The following NFASC variants were observed in gnomAD, a reference collection of about 807,000 sequenced individuals.
The protein encoded by NFASC is neurofascin, also known as neurofascin homolog.
Under a neutral mutation model 147.5 loss-of-function variants are expected in NFASC, and 43 were observed. The ratio of observed to expected loss-of-function variants is 0.29; its 90% CI spans 0.23 to 0.38. NFASC has a LOEUF of 0.38. NFASC is among the 10% of genes least tolerant of loss of function. NFASC has a pLI of 1.00. For synonymous variants in NFASC, 622 were observed against 665.5 expected (o/e 0.93, Z 1.01); for missense variants, 1,320 against 1,689.0 (o/e 0.78, Z 3.83).
intron 1 of NFASC, among the ~76,000 whole-genome samples, chr1:204,903,877 C>T (rs2085196863): frequency 6.6e-6 from 1 of 152,082 alleles, no homozygotes; most frequent in Non-Finnish European, 1.5e-5. Context: ...ATCTCTGTGT[C>T]GTTTGCTTAT....
chr1:205,001,738 A>C (rs1047463536), intron 26 of NFASC, among the ~76,000 whole-genome samples: 63 of 152,182 alleles, frequency 4.1e-4, no homozygotes. Context: ...GCCACAGACC[A>C]GAGCCATTTG....
At chr1:204,893,591 G>A (rs943505144) in intron 1 of NFASC, among the ~76,000 whole-genome samples, 1 of 152,222 alleles carries the variant, frequency 6.6e-6, no homozygotes, top group Non-Finnish European at 1.5e-5. Context: ...ATTCCATGGT[G>A]AGCCGTGTGT....
At chr1:204,974,518 C>A (rs2095350757) in intron 13 of NFASC, 139 bp from the exon 14 acceptor site, 2 of 1,070,168 alleles carry the variant, frequency 1.9e-6, no homozygotes, top group South Asian at 2.6e-5. Context: ...TAGAGGCAGA[C>A]CCTCCGAGGC....
chr1:204,921,774 A>T (rs1342048605), intron 2 of NFASC, among the ~76,000 whole-genome samples: 1 of 152,188 alleles, frequency 6.6e-6, no homozygotes, highest in African/African-American at 2.4e-5. Context: ...AGCCCTGCAG[A>T]GTGCCTGGCT....
chr1:204,844,843 G>C (rs760679403), intron 1 of NFASC, among the ~76,000 whole-genome samples: 41 of 152,154 alleles, frequency 2.7e-4, no homozygotes, highest in Non-Finnish European at 5.1e-4. Flanking sequence ...TTTATCAGAG[G>C]CTTGGACTGC....
intron 8 of NFASC, among the ~76,000 whole-genome samples, chr1:204,966,518 CG>C (rs905949770): frequency 2.0e-5 from 3 of 152,038 alleles, no homozygotes; most frequent in African/African-American, 7.2e-5. Flanking sequence ...TTGGTGATTC[CG>C]TGATGGTGGG....
At chr1:204,867,176 C>T in intron 1 of NFASC, among the ~76,000 whole-genome samples, 1 of 152,120 alleles carries the variant, frequency 6.6e-6, no homozygotes, top group African/African-American at 2.4e-5. Context: ...ACAGGGAGTC[C>T]CTGTTGGATT....
At chr1:204,980,511 T>A in intron 20 of NFASC, 71 bp downstream of exon 20, 1 of 1,148,274 alleles carries the variant, frequency 8.7e-7, no homozygotes, top group South Asian at 1.3e-5. Context: ...TCTCCCTTGA[T>A]GCCCCGACAC....
chr1:204,918,864 G>A (rs1377366665), intron 1 of NFASC, among the ~76,000 whole-genome samples: 1 of 152,012 alleles, frequency 6.6e-6, no homozygotes, highest in Non-Finnish European at 1.5e-5. Flanking sequence ...GGGATTATAG[G>A]CATGAGCCAC....
At chr1:204,888,339 G>T (rs1180890191) in intron 1 of NFASC, among the ~76,000 whole-genome samples, 1 of 152,192 alleles carries the variant, frequency 6.6e-6, no homozygotes, top group Non-Finnish European at 1.5e-5. Flanking sequence ...GCTTTTATTT[G>T]TGATCCTAGA....
chr1:204,961,059 T>C (rs934075708), intron 8 of NFASC, among the ~76,000 whole-genome samples: 1 of 152,170 alleles, frequency 6.6e-6, no homozygotes, highest in African/African-American at 2.4e-5. Context: ...CTCAGGGCCA[T>C]CTGCTTGGCT....
rs757003214 is a variant in NFASC, at chr1:204,954,202, G to A, written c.230G>A (p.Arg77Gln). The change falls in exon 6 of 30, where the codon CGA becomes CAA. Residue 77 changes from arginine to glutamine, a missense_variant. Around this residue, in one of 3 missense-constraint regions of NFASC, gnomAD observed 981 missense variants for 1,289.5 expected, o/e 0.76. Coordinates refer to ENST00000339876, the MANE Select transcript of NFASC (RefSeq NM_001005388.3). The surrounding 1 kb of genome is among the most constrained non-coding windows in gnomAD (Gnocchi z 5.7). Reference sequence around the variant, plus strand: ...ACTCTCCACAGCTTCCACTGGACACGAAACAGCAGATTCTTCAACATCGCC... The same window carrying A: ...ACTCTCCACAGCTTCCACTGGACACAAAACAGCAGATTCTTCAACATCGCC... Reference protein sequence around the residue: ...GNPAPSFHWTRNSRFFNIAKD... With the variant: ...GNPAPSFHWTQNSRFFNIAKD... 9 of 1,614,046 alleles carry A rather than the reference G, an allele frequency of 5.6e-6. No homozygotes were observed. Among genetic ancestry groups the A allele is most frequent in the African/African-American group, 2.7e-5 (2 of 74,902 alleles).
Position 204,944,241 on chromosome 1 carries a change from G to C in NFASC, c.-75G>C, listed in dbSNP as rs1247411700. ...CTTTCCACAGCTGAGTGCTGTCCAG[G>C]AGGCCCAGTTAAAGCGGCTCGAGGT... On this transcript the variant is annotated 5_prime_UTR_variant, in exon 3 of 30. Coordinates refer to ENST00000339876, the MANE Select transcript of NFASC (RefSeq NM_001005388.3). 1 of 1,578,210 alleles carries C rather than the reference G, an allele frequency of 6.3e-7. No individual in the cohort carries two copies. The highest frequency in any genetic ancestry group is 1.8e-5 in the Admixed American group (1 of 54,796).
Position 205,020,183 on chromosome 1 carries a change from C to T in NFASC, c.*3644C>T, listed in dbSNP as rs953050814. 2.0e-5 allele frequency: 3 copies of T among 152,320 alleles called. No individual in the cohort carries two copies. The highest frequency in any genetic ancestry group is 7.2e-5 in the African/African-American group (3 of 41,466). 9.4% of individuals were successfully genotyped at this position (152,320 alleles called of 1,614,324 possible). On this transcript the variant is annotated 3_prime_UTR_variant, in exon 30 of 30. Coordinates refer to ENST00000339876, the MANE Select transcript of NFASC (RefSeq NM_001005388.3). ...AGGTCTGAAAATCAGCCAGTGCCAA[C>T]ATTGCTTGCCCTGCAAGGTGCAACT...
chr1:204,892,106 G>A (rs186933868), intron 1 of NFASC, among the ~76,000 whole-genome samples: 88 of 152,274 alleles, frequency 5.8e-4, no homozygotes, highest in African/African-American at 2.0e-3. Context: ...ATCACAGGAA[G>A]GTGGCTCAGA....
chr1:204,905,826 A>G (rs2085728083), intron 1 of NFASC, among the ~76,000 whole-genome samples: 2 of 152,196 alleles, frequency 1.3e-5, no homozygotes, highest in African/African-American at 4.8e-5. Context: ...TGAATGTTCA[A>G]CATTAGAGGT....
intron 3 of NFASC, 23 bp downstream of exon 3, chr1:204,944,429 C>T: frequency 8.3e-7 from 1 of 1,199,950 alleles, no homozygotes; most frequent in Non-Finnish European, 1.1e-6. Flanking sequence ...CCATTCTCTT[C>T]TCTTTTTTTT....
intron 1 of NFASC, among the ~76,000 whole-genome samples, chr1:204,904,758 G>A (rs1437596483): frequency 6.6e-6 from 1 of 152,098 alleles, no homozygotes; most frequent in South Asian, 2.1e-4. Context: ...TTAGAGCTCA[G>A]GTGCACAGCA....
intron 1 of NFASC, among the ~76,000 whole-genome samples, chr1:204,837,978 C>G (rs1300392095): frequency 6.6e-6 from 1 of 152,166 alleles, no homozygotes; most frequent in Non-Finnish European, 1.5e-5. Context: ...CTGCTTCTTT[C>G]ATTATGAAAA....
Sources: gnomAD v4.1 joint callset for allele counts (sites outside exome capture counted in the v4.1 genomes callset) on GRCh38, gnomAD v4.1.1 for gene constraint, gnomAD v4.1.1 regional missense constraint, Gnocchi (gnomAD v3.1) non-coding constraint, MANE v1.5 for transcripts, NCBI Gene and HGNC (gene_info 2026-07-23, HGNC 2026-07-21) for gene names.